PCDHGC3: variants seen among roughly 807,000 people sequenced by gnomAD.
PCDHGC3 encodes protocadherin gamma subfamily C, 3.
A neutral mutation model predicts 59.2 loss-of-function variants in PCDHGC3; 26 were observed. The ratio of observed to expected loss-of-function variants is 0.44; its 90% CI spans 0.32 to 0.61. PCDHGC3 has a LOEUF of 0.61. Among genes scored for constraint, PCDHGC3 ranks in the 20% least tolerant of loss-of-function variants. PCDHGC3 has a pLI of 0.05. For synonymous variants in PCDHGC3, 487 were observed against 519.7 expected (o/e 0.94, Z 0.86); for missense variants, 1,080 against 1,221.8 (o/e 0.88, Z 1.73).
chr5:141,510,015 A>G (rs2099879210), intron 3 of PCDHGC3, among the ~76,000 whole-genome samples: 1 of 152,210 alleles, frequency 6.6e-6, no homozygotes, highest in Non-Finnish European at 1.5e-5. Flanking sequence ...GTCATACCAC[A>G]TAGCTGGCTG....
At chr5:141,496,886 C>T (rs1562175671) in intron 2 of PCDHGC3, among the ~76,000 whole-genome samples, 1 of 135,246 alleles carries the variant, frequency 7.4e-6, no homozygotes, top group African/African-American at 2.9e-5. Context: ...ACAAGTAACA[C>T]TTAAAAAAAA....
chr5:141,480,077 C>T (rs767048249), intron 1 of PCDHGC3, among the ~76,000 whole-genome samples: 2 of 152,142 alleles, frequency 1.3e-5, no homozygotes, highest in Non-Finnish European at 2.9e-5. Flanking sequence ...AAGATTCATG[C>T]ATGATATAAT....
Position 141,489,358 on chromosome 5 carries a change from G to C in PCDHGC3, c.2431-5449G>C. 1 of 1,613,144 alleles carries C rather than the reference G, an allele frequency of 6.2e-7. No homozygotes were observed. The highest frequency in any genetic ancestry group is 1.7e-4 in the Middle Eastern group (1 of 6,052). On this transcript the variant is annotated intron_variant, in intron 1 of 3. Coordinates refer to ENST00000308177, the MANE Select transcript of PCDHGC3 (RefSeq NM_002588.4). The surrounding 1 kb of genome is among the most constrained non-coding windows in gnomAD (Gnocchi z 4.5). ...TCGTTACTCAGTGGTGGAGGAGTCT[G>C]AGCCGGGGACGCTGGTGGGGAATGT...
intron 2 of PCDHGC3, among the ~76,000 whole-genome samples, chr5:141,504,268 T>A (rs539485141): frequency 2.2e-4 from 34 of 152,348 alleles, no homozygotes; most frequent in Admixed American, 1.3e-3. Context: ...AGTATTTTTT[T>A]AAATTATGAA....
chr5:141,507,478 C>T (rs933478897), intron 3 of PCDHGC3, among the ~76,000 whole-genome samples: 5 of 152,158 alleles, frequency 3.3e-5, no homozygotes, highest in African/African-American at 1.2e-4. Flanking sequence ...GGACTGCTGG[C>T]CTCCTGAGGC....
intron 2 of PCDHGC3, among the ~76,000 whole-genome samples, chr5:141,495,720 G>A (rs1048453188): frequency 2.6e-5 from 4 of 152,080 alleles, no homozygotes; most frequent in Non-Finnish European, 5.9e-5. Context: ...GTAACTACAC[G>A]GGACCCTTAG....
In PCDHGC3 at chr5:141,476,401, G is replaced by A. The variant is rs772438777; in HGVS notation, c.285G>A (p.Glu95=). The A allele has an allele frequency of 1.9e-6, 3 of 1,614,054 alleles. No individual in the cohort carries two copies. Among genetic ancestry groups the A allele is most frequent in the African/African-American group, 2.7e-5 (2 of 74,926 alleles). The change falls in exon 1 of 4, where the codon GAG becomes GAA. Residue 95 remains glutamate (E), a synonymous_variant. Coordinates refer to ENST00000308177, the MANE Select transcript of PCDHGC3 (RefSeq NM_002588.4). This position sits in a 1 kb window ranked among gnomAD's most constrained non-coding sequence, Gnocchi z 7.6. ...TTGTGAACGACCGTCTGGATCGAGA[G>A]GAGCTGTGTGGGACACTGCCCTCTT... ...EMFVNDRLDR[E]ELCGTLPSCT... is the part of the protein sequence containing the mutation.
intron 3 of PCDHGC3, among the ~76,000 whole-genome samples, chr5:141,508,855 C>T (rs2099872444): frequency 6.6e-6 from 1 of 152,020 alleles, no homozygotes; most frequent in Non-Finnish European, 1.5e-5. Flanking sequence ...CATTCCCAGG[C>T]TGGGAAAGGC....
At position 141,476,242 on chromosome 5, in the gene PCDHGC3, G is replaced by A. The variant is rs369923405; in HGVS notation, c.126G>A (p.Glu42=). The A allele has an allele frequency of 6.2e-6, 10 of 1,614,100 alleles. No individual in the cohort carries two copies. The highest frequency in any genetic ancestry group is 8.5e-6 in the Non-Finnish European group (10 of 1,180,026). ...VIHYEIPEER[E]KGFAVGNVVA... is the part of the protein sequence containing the mutation. The stretch of plus-strand genomic sequence containing the variant: ...ACTATGAGATCCCGGAGGAAAGAGA[G>A]AAGGGTTTCGCTGTGGGCAACGTGG... Residue 42 remains glutamate (E), a synonymous_variant, in exon 1 of 4, where the codon GAG becomes GAA. Transcript: ENST00000308177. This position sits in a 1 kb window ranked among gnomAD's most constrained non-coding sequence, Gnocchi z 7.6.
intron 2 of PCDHGC3, among the ~76,000 whole-genome samples, chr5:141,499,326 C>T (rs1465474737): frequency 6.6e-6 from 1 of 152,156 alleles, no homozygotes. Context: ...TATCCCTGCT[C>T]TCTCTCAGTT....
At position 141,478,749 on chromosome 5, in the gene PCDHGC3, G is replaced by A. The variant is rs1306895064; in HGVS notation, c.2430+203G>A. On this transcript the variant is annotated intron_variant, in intron 1 of 3. Coordinates refer to ENST00000308177, the MANE Select transcript of PCDHGC3 (RefSeq NM_002588.4). ...GAGTGTGGTTTGTGGTCCCATTTCA[G>A]GGGGAAGATACTTGACTCATCTGTG... The A allele has an allele frequency of 3.3e-6, 5 of 1,524,326 alleles. No homozygotes were observed. The South Asian group carries it at 6.4e-5, about 19-fold the overall frequency. The allele number at this position is 1,524,326 out of a possible 1,614,324, so 94.4% of individuals were successfully genotyped here.
chr5:141,503,222 G>T (rs540244346), intron 2 of PCDHGC3, among the ~76,000 whole-genome samples: 1 of 152,120 alleles, frequency 6.6e-6, no homozygotes, highest in East Asian at 1.9e-4. Context: ...CATGAGCACC[G>T]TAAAGATGGA....
At chr5:141,482,956 CCAGCTACTTGAG>C (rs6149271) in intron 1 of PCDHGC3, among the ~76,000 whole-genome samples, 62,216 of 151,640 alleles carry the variant, frequency 0.41, 15,336 homozygotes, top group African/African-American at 0.7. Context: ...GCCTGTAATT[CCAGCTACTTGAG>C]CAGCTACTTG....
chr5:141,482,500 G>T (rs1409735210), intron 1 of PCDHGC3, among the ~76,000 whole-genome samples: 1 of 133,788 alleles, frequency 7.5e-6, no homozygotes, highest in Non-Finnish European at 1.5e-5. Flanking sequence ...TATCATTCTG[G>T]TACCCAGAGT....
intron 1 of PCDHGC3, among the ~76,000 whole-genome samples, chr5:141,482,530 CAA>C (rs3074545): frequency 2.5e-4 from 19 of 76,528 alleles, no homozygotes; most frequent in East Asian, 4.2e-4. Context: ...GACAGACATG[CAA>C]AAAAAAAAAA....
chr5:141,494,785 T>G, intron 1 of PCDHGC3, 22 bp from the exon 2 acceptor site: 1 of 1,614,016 alleles, frequency 6.2e-7, no homozygotes, highest in Non-Finnish European at 8.5e-7. Flanking sequence ...ACTCAGCCCC[T>G]TTCCCTCTGT....
chr5:141,507,846 T>G (rs892503210), intron 3 of PCDHGC3, among the ~76,000 whole-genome samples: 1 of 152,134 alleles, frequency 6.6e-6, no homozygotes, highest in African/African-American at 2.4e-5. Context: ...CAGGCCCTGC[T>G]CTCACTTTCA....
intron 3 of PCDHGC3, among the ~76,000 whole-genome samples, chr5:141,509,539 A>G (rs749824780): frequency 1.3e-5 from 2 of 152,160 alleles, no homozygotes; most frequent in East Asian, 1.9e-4. Context: ...ATGAAGCACC[A>G]TCTCATTTAG....
Position 141,477,898 on chromosome 5 carries a change from A to G in PCDHGC3, c.1782A>G (p.Val594=). 1 of 1,614,158 alleles carries G rather than the reference A, an allele frequency of 6.2e-7. No homozygotes were observed. Among genetic ancestry groups the G allele is most frequent in the Middle Eastern group, 1.6e-4 (1 of 6,062 alleles). ...CTGGCCACCTAGTGTCACGGGTGGTAGGCTGGGACGCGGATGCAGGGCACA... is the reference window on the plus strand; with the variant it reads ...CTGGCCACCTAGTGTCACGGGTGGTGGGCTGGGACGCGGATGCAGGGCACA... ...TSAGHLVSRV[V]GWDADAGHNA... Residue 594 remains valine (V), a synonymous_variant, in exon 1 of 4, where the codon GTA becomes GTG. Coordinates refer to ENST00000308177, the MANE Select transcript of PCDHGC3 (RefSeq NM_002588.4). This position sits in a 1 kb window ranked among gnomAD's most constrained non-coding sequence, Gnocchi z 4.9.
Sources: allele counts gnomAD v4.1 joint callset (sites outside exome capture counted in the v4.1 genomes callset), GRCh38; gene constraint gnomAD v4.1.1; non-coding constraint Gnocchi (gnomAD v3.1); transcripts MANE v1.5; gene names NCBI Gene and HGNC (gene_info 2026-07-23, HGNC 2026-07-21).